Variants in TCF7L2 observed in about 807,000 individuals in gnomAD.
TCF7L2 encodes the protein transcription factor 7 like 2.
TCF7L2 carries 23 observed loss-of-function variants against 77.9 expected under a neutral mutation model. The ratio of observed to expected loss-of-function variants is 0.30; its 90% CI spans 0.21 to 0.42. The LOEUF (loss-of-function observed/expected upper bound fraction) is 0.42. Among genes scored for constraint, TCF7L2 ranks in the 10% least tolerant of loss-of-function variants. TCF7L2 has a pLI of 1.00. For synonymous variants in TCF7L2, 413 were observed against 340.2 expected (o/e 1.21, Z -2.36); for missense variants, 654 against 793.1 (o/e 0.82, Z 2.11).
intron 5 of TCF7L2, among the ~76,000 whole-genome samples, chr10:113,088,259 A>C (rs1284732321): frequency 6.6e-6 from 1 of 152,150 alleles, no homozygotes; most frequent in African/African-American, 2.4e-5. Context: ...ATAGAGCCAT[A>C]GACAGGCCAA....
Position 113,086,456 on chromosome 10 carries a change from A to G in TCF7L2, c.552+46330A>G, listed in dbSNP as rs371347518. Among the ~76,000 whole-genome samples the G allele has an allele frequency of 4.6e-5, 7 of 151,946 alleles. No individual in the cohort carries two copies. The East Asian group carries it at 1.2e-3, about 25-fold the overall frequency. On this transcript the variant is annotated intron_variant, in intron 5 of 13. Transcript: ENST00000627217. ...CAGAGGCTTATTCAAGTCCAGAGAG[A>G]TCTTATCTTTCCCTACAAGTCTGTG...
rs1302452169 is a variant in TCF7L2, at chr10:113,002,195, T to G, written c.450+37571T>G. Among the ~76,000 whole-genome samples the G allele has an allele frequency of 2.6e-5, 4 of 152,302 alleles. No individual in the cohort carries two copies. In the East Asian group the frequency reaches 7.7e-4, roughly 29 times the overall value. On this transcript the variant is annotated intron_variant, in intron 4 of 13. Coordinates refer to ENST00000627217, the MANE Select transcript of TCF7L2 (RefSeq NM_001146274.2). ...AAGGTATCAAAGTGGCAAACCCTGA[T>G]CCAGATGTTTTCAGTTCAGTCAGCT... is the stretch of plus-strand genomic sequence containing the variant.
chr10:112,950,862 T>A lies in TCF7L2; in HGVS notation c.106T>A (p.Ser36Thr), dbSNP rs1412579025. Residue 36 changes from serine to threonine, a missense_variant, in exon 1 of 14, where the codon TCG becomes ACG. Transcript: ENST00000627217. The stretch of plus-strand genomic sequence containing the variant: ...GGAGGAGAAGAGCTCCGAAAACTCC[T>A]CGGCAGAGAGGGATTTAGCTGATGT... The A allele has an allele frequency of 6.2e-7, 1 of 1,611,222 alleles. No homozygotes were observed. Among genetic ancestry groups the A allele is most frequent in the Non-Finnish European group, 8.5e-7 (1 of 1,178,940 alleles).
intron 5 of TCF7L2, among the ~76,000 whole-genome samples, chr10:113,093,200 TTTTCC>T (rs2060584427): frequency 1.3e-5 from 2 of 152,272 alleles, no homozygotes; most frequent in African/African-American, 4.8e-5. Flanking sequence ...CTATATTAAC[TTTTCC>T]AAACCTTGAT....
chr10:113,159,842 CCCCTCTT>C (rs2072791124), intron 12 of TCF7L2, 71 bp from the exon 14 acceptor site: 4 of 61,070 alleles, frequency 6.5e-5, no homozygotes, highest in African/African-American at 3.4e-4. Context: ...CCCCCCCCCC[CCCCTCTT>C]TCTCTCTCTC....
At position 113,165,885 on chromosome 10, in the gene TCF7L2, G is replaced by A. The variant is rs755384168; in HGVS notation, c.1722G>A (p.Gln574=). Residue 574 remains glutamine, a synonymous_variant, in exon 14 of 14, where the codon CAG becomes CAA. Transcript: ENST00000627217. ...CCGCCCCCTCCTCATCAATTGCACA[G>A]CCGTCGACTTCTTCCTTACATTCCC... The A allele has an allele frequency of 1.2e-6, 2 of 1,603,572 alleles. No individual in the cohort carries two copies. Among genetic ancestry groups the A allele is most frequent in the Non-Finnish European group, 1.7e-6 (2 of 1,174,208 alleles).
At chr10:113,124,337 A>T (rs984560524) in intron 5 of TCF7L2, among the ~76,000 whole-genome samples, 5 of 152,188 alleles carry the variant, frequency 3.3e-5, no homozygotes, top group African/African-American at 1.2e-4. Flanking sequence ...TTAGAAGGCC[A>T]GTAGGGTGGT....
chr10:113,021,369 G>A (rs866798224), intron 4 of TCF7L2, among the ~76,000 whole-genome samples: 2 of 152,178 alleles, frequency 1.3e-5, no homozygotes, highest in African/African-American at 2.4e-5. Context: ...CTCCTAGGAA[G>A]TAAGTTTCTG....
At chr10:113,025,909 G>A (rs897328583) in intron 4 of TCF7L2, among the ~76,000 whole-genome samples, 18 of 149,690 alleles carry the variant, frequency 1.2e-4, no homozygotes, top group African/African-American at 4.2e-4. Context: ...ATAGAGTCTT[G>A]CTCTGTTACC....
At chr10:112,955,000 T>G (rs543355504) in intron 3 of TCF7L2, among the ~76,000 whole-genome samples, 1 of 152,244 alleles carries the variant, frequency 6.6e-6, no homozygotes, top group South Asian at 2.1e-4. Context: ...AAATGGACGT[T>G]TTTTCCTCAC....
intron 5 of TCF7L2, chr10:113,126,921 C>T (rs1299301402): frequency 5.1e-6 from 5 of 985,366 alleles, no homozygotes; most frequent in Non-Finnish European, 2.4e-6. Flanking sequence ...CAGGGGTGCG[C>T]GGTGGCCGGC....
chr10:112,995,293 T>C (rs1244958915), intron 4 of TCF7L2, among the ~76,000 whole-genome samples: 1 of 152,168 alleles, frequency 6.6e-6, no homozygotes, highest in Admixed American at 6.5e-5. Flanking sequence ...GCCTTACGTT[T>C]TTTTGTTTCA....
At chr10:113,120,573 T>A (rs933438310) in intron 5 of TCF7L2, among the ~76,000 whole-genome samples, 2 of 151,854 alleles carry the variant, frequency 1.3e-5, no homozygotes, top group Non-Finnish European at 2.9e-5. Context: ...GTAATCAGAG[T>A]CTTGGGTACT....
chr10:112,971,234 A>G (rs1414694882), intron 4 of TCF7L2, among the ~76,000 whole-genome samples: 1 of 152,204 alleles, frequency 6.6e-6, no homozygotes, highest in African/African-American at 2.4e-5. Flanking sequence ...ATACTGACTT[A>G]TAAACACCCC....
intron 4 of TCF7L2, among the ~76,000 whole-genome samples, chr10:112,971,921 T>A (rs2038346996): frequency 7.6e-6 from 1 of 130,996 alleles, no homozygotes; most frequent in African/African-American, 3.7e-5. Context: ...CCGTCATTTT[T>A]TTCTTTCCTT....
intron 5 of TCF7L2, among the ~76,000 whole-genome samples, chr10:113,049,312 G>T (rs2053995365): frequency 6.6e-6 from 1 of 151,958 alleles, no homozygotes; most frequent in Non-Finnish European, 1.5e-5. Context: ...CTCCAAACCT[G>T]TTACTGCTTG....
At chr10:113,084,875 G>A (rs1325893303) in intron 5 of TCF7L2, among the ~76,000 whole-genome samples, 1 of 147,796 alleles carries the variant, frequency 6.8e-6, no homozygotes, top group African/African-American at 2.5e-5. Context: ...CAGCCTGGGT[G>A]ACAAAGTGAG....
chr10:113,039,964 T>C, intron 4 of TCF7L2, 61 bp from the exon 5 acceptor site: 2 of 1,443,788 alleles, frequency 1.4e-6, no homozygotes, highest in South Asian at 1.2e-5. Context: ...TTGGGCTAGT[T>C]GTTCTGCATT....
intron 5 of TCF7L2, among the ~76,000 whole-genome samples, chr10:113,130,407 A>T (rs1369048649): frequency 6.6e-6 from 1 of 152,236 alleles, no homozygotes; most frequent in African/African-American, 2.4e-5. Flanking sequence ...ACATTGCCTC[A>T]TAGAGGAGCA....
Sources: gnomAD v4.1 joint callset for allele counts (sites outside exome capture counted in the v4.1 genomes callset) on GRCh38, gnomAD v4.1.1 for gene constraint, MANE v1.5 for transcripts, NCBI Gene and HGNC (gene_info 2026-07-23, HGNC 2026-07-21) for gene names.